HAPSTR1: variants seen among roughly 807,000 people sequenced by gnomAD.
HAPSTR1 encodes the protein HUWE1-associated protein modifying stress responses 1.
At chr16:9,098,500 T>TA in the HAPSTR1 span, among the ~76,000 whole-genome samples, 1 of 152,194 alleles carries the variant, frequency 6.6e-6, no homozygotes. Flanking sequence ...CTTAGATTGT[T>TA]ACATTCCTAA....
chr16:9,092,489 G>C, the HAPSTR1 span, among the ~76,000 whole-genome samples: 2 of 152,130 alleles, frequency 1.3e-5, no homozygotes, highest in South Asian at 2.1e-4. Context: ...CGTGGGGGTA[G>C]CCCCGCTTTG....
At chr16:9,092,160 C>A in the HAPSTR1 span, 69 of 1,566,890 alleles carry the variant, frequency 4.4e-5, no homozygotes, top group Non-Finnish European at 6.0e-5. Context: ...GAGCAGCTGC[C>A]CCCCGAGCTG....
chr16:9,108,531 T>C, the HAPSTR1 span: 1 of 152,252 alleles, frequency 6.6e-6, no homozygotes, highest in South Asian at 2.1e-4. Context: ...TTTTTAGATG[T>C]GGGATTTCTG....
the HAPSTR1 span, chr16:9,091,947 C>T: frequency 2.0e-5 from 22 of 1,075,614 alleles, no homozygotes; most frequent in Non-Finnish European, 2.7e-5. Flanking sequence ...GGTCGCCAGG[C>T]CCTGCCGCCG....
chr16:9,094,935 A>G, the HAPSTR1 span, among the ~76,000 whole-genome samples: 3 of 152,228 alleles, frequency 2.0e-5, no homozygotes, highest in African/African-American at 4.8e-5. Context: ...CTTTTCGTGT[A>G]AGAAGATGGG....
the HAPSTR1 span, chr16:9,107,081 G>A: frequency 2.6e-5 from 4 of 152,178 alleles, no homozygotes; most frequent in South Asian, 2.1e-4. Context: ...TGGACCTCTC[G>A]TTTAGACCTT....
the HAPSTR1 span, chr16:9,109,630 G>A: frequency 6.6e-6 from 1 of 152,108 alleles, no homozygotes; most frequent in East Asian, 1.9e-4. Context: ...GTCATAATAG[G>A]CACCAATGGG....
chr16:9,117,206 G>T, the HAPSTR1 span: 1 of 286,366 alleles, frequency 3.5e-6, no homozygotes, highest in Non-Finnish European at 6.6e-6. Flanking sequence ...GACCTTAACT[G>T]TATTTATTCT....
chr16:9,097,025 C>T, the HAPSTR1 span, among the ~76,000 whole-genome samples: 5 of 152,030 alleles, frequency 3.3e-5, no homozygotes, highest in African/African-American at 9.7e-5. Flanking sequence ...TCACTGCAAC[C>T]GCCTCCCTGG....
At chr16:9,115,598 C>T in the HAPSTR1 span, among the ~76,000 whole-genome samples, 1 of 152,076 alleles carries the variant, frequency 6.6e-6, no homozygotes, top group Non-Finnish European at 1.5e-5. Flanking sequence ...TCCATGAGTG[C>T]TGGGTATATT....
At chr16:9,113,005 G>GTTTTTTTTT in the HAPSTR1 span, 2 of 136,662 alleles carry the variant, frequency 1.5e-5, no homozygotes, top group Non-Finnish European at 1.6e-5. Context: ...GTACAACTTG[G>GTTTTTTTTT]TTTTTTTTTT....
the HAPSTR1 span, among the ~76,000 whole-genome samples, chr16:9,095,998 T>C: frequency 2.0e-5 from 3 of 152,194 alleles, no homozygotes; most frequent in Admixed American, 2.0e-4. Flanking sequence ...GAGTAAAAAA[T>C]CATTTTAATC....
the HAPSTR1 span, chr16:9,092,319 GC>G: frequency 7.0e-7 from 1 of 1,420,968 alleles, no homozygotes; most frequent in East Asian, 3.0e-5. Context: ...CCCCGCCCGG[GC>G]CCGGCCCCGG....
At chr16:9,098,017 C>G in the HAPSTR1 span, among the ~76,000 whole-genome samples, 845 of 152,222 alleles carry the variant, frequency 5.6e-3, 7 homozygotes, top group African/African-American at 0.019. Context: ...GCCAGGCAGG[C>G]AACAAACAGT....
chr16:9,098,015 G>A, the HAPSTR1 span, among the ~76,000 whole-genome samples: 2 of 152,160 alleles, frequency 1.3e-5, no homozygotes, highest in Admixed American at 1.3e-4. Flanking sequence ...ATGCCAGGCA[G>A]GCAACAAACA....
At chr16:9,106,926 T>G in the HAPSTR1 span, 1 of 152,184 alleles carries the variant, frequency 6.6e-6, no homozygotes, top group Non-Finnish European at 1.5e-5. Context: ...GATCTCTGCC[T>G]GCCATTCTCA....
chr16:9,095,194 G>GGAATTT, the HAPSTR1 span, among the ~76,000 whole-genome samples: 39 of 152,288 alleles, frequency 2.6e-4, 1 homozygote, highest in South Asian at 8.1e-3. Context: ...TGTGTCTTGT[G>GGAATTT]GAATTTGATA....
chr16:9,093,415 C>T, the HAPSTR1 span, among the ~76,000 whole-genome samples: 1 of 152,148 alleles, frequency 6.6e-6, no homozygotes, highest in Non-Finnish European at 1.5e-5. Flanking sequence ...CTGGAAAAGA[C>T]ATTGAGGGAA....
At chr16:9,113,398 T>A in the HAPSTR1 span, among the ~76,000 whole-genome samples, 41 of 152,214 alleles carry the variant, frequency 2.7e-4, no homozygotes, top group Non-Finnish European at 5.3e-4. Context: ...TTGACCAAAT[T>A]GATGTTTAAC....
Sources: allele counts gnomAD v4.1 joint callset (sites outside exome capture counted in the v4.1 genomes callset), GRCh38; gene constraint gnomAD v4.1.1; transcripts MANE v1.5; gene names NCBI Gene and HGNC (gene_info 2026-07-23, HGNC 2026-07-21).